TTC28: variants seen among roughly 807,000 people sequenced by gnomAD.
TTC28 encodes tetratricopeptide repeat domain 28.
A neutral mutation model predicts 198.0 loss-of-function variants in TTC28; 61 were observed. That is an observed-to-expected ratio of 0.31 (90% CI 0.25 to 0.38). The LOEUF (loss-of-function observed/expected upper bound fraction) is 0.38. TTC28 is among the 10% of genes least tolerant of loss of function. The probability of loss-of-function intolerance (pLI) is 1.00; values close to 1 mark genes in which losing one functional copy is unlikely to be tolerated. For missense variants in TTC28, 2,678 were observed against 3,164.0 expected (o/e 0.85, Z 3.69); for synonymous variants, 1,171 against 1,297.8 (o/e 0.90, Z 2.10).
At chr22:28,147,220 G>C (rs1943489724) in intron 6 of TTC28, among the ~76,000 whole-genome samples, 1 of 152,184 alleles carries the variant, frequency 6.6e-6, no homozygotes. Flanking sequence ...CTGGTTCTCA[G>C]TAAAAAAGCT....
intron 1 of TTC28, among the ~76,000 whole-genome samples, chr22:28,658,667 A>T (rs1271191261): frequency 6.6e-6 from 1 of 152,242 alleles, no homozygotes; most frequent in South Asian, 2.1e-4. Context: ...ACACATAAAA[A>T]TGATTAAGAT....
chr22:28,323,797 A>C (rs1255459906), intron 2 of TTC28, among the ~76,000 whole-genome samples: 3 of 152,222 alleles, frequency 2.0e-5, no homozygotes, highest in African/African-American at 7.2e-5. Context: ...TTTAACCCAA[A>C]TAGGACTACC....
chr22:28,604,465 C>T (rs1182588393), intron 2 of TTC28, among the ~76,000 whole-genome samples: 3 of 151,652 alleles, frequency 2.0e-5, no homozygotes, highest in African/African-American at 4.9e-5. Flanking sequence ...AAATGCTGGC[C>T]GGGCACAGTG....
intron 2 of TTC28, among the ~76,000 whole-genome samples, chr22:28,514,807 TCA>T (rs2048750405): frequency 6.6e-6 from 1 of 152,336 alleles, no homozygotes; most frequent in Non-Finnish European, 1.5e-5. Flanking sequence ...AAACACTGTT[TCA>T]CAGTCTCTGT....
At chr22:28,618,806 T>C (rs2050944493) in intron 2 of TTC28, among the ~76,000 whole-genome samples, 1 of 149,024 alleles carries the variant, frequency 6.7e-6, no homozygotes, top group African/African-American at 2.5e-5. Flanking sequence ...AGCAGCAAAA[T>C]AAACAGTGCT....
chr22:28,466,919 C>A (rs1044688529), intron 2 of TTC28, among the ~76,000 whole-genome samples: 1 of 151,756 alleles, frequency 6.6e-6, no homozygotes, highest in Admixed American at 6.6e-5. Context: ...GAGGAGGCAA[C>A]TGTCACTTTA....
At chr22:28,595,501 G>C (rs2050524560) in intron 2 of TTC28, among the ~76,000 whole-genome samples, 1 of 152,062 alleles carries the variant, frequency 6.6e-6, no homozygotes, top group Non-Finnish European at 1.5e-5. Context: ...TTATATTATA[G>C]TTATTGGATT....
At chr22:28,139,242 G>A (rs1191933868) in intron 6 of TTC28, among the ~76,000 whole-genome samples, 6 of 152,128 alleles carry the variant, frequency 3.9e-5, no homozygotes, top group African/African-American at 1.4e-4. Flanking sequence ...GTGAGGAGAG[G>A]CATGTAGGGA....
intron 2 of TTC28, among the ~76,000 whole-genome samples, chr22:28,618,403 CG>C (rs2050936198): frequency 2.0e-5 from 3 of 151,924 alleles, no homozygotes; most frequent in Non-Finnish European, 4.4e-5. Context: ...AAAACCAGGC[CG>C]GGTGCAGTGG....
chr22:28,458,677 TG>T (rs1166038912), intron 2 of TTC28, among the ~76,000 whole-genome samples: 1 of 151,880 alleles, frequency 6.6e-6, no homozygotes, highest in Non-Finnish European at 1.5e-5. Flanking sequence ...GTCAGGAGAT[TG>T]AGACCATCCT....
chr22:28,539,971 G>T (rs1197018728), intron 2 of TTC28, among the ~76,000 whole-genome samples: 4 of 137,354 alleles, frequency 2.9e-5, no homozygotes, highest in Non-Finnish European at 6.2e-5. Flanking sequence ...CTGAGACAGG[G>T]TCTCACTCTG....
At chr22:28,063,353 C>A (rs1601578417) in intron 12 of TTC28, among the ~76,000 whole-genome samples, 1 of 152,156 alleles carries the variant, frequency 6.6e-6, no homozygotes, top group Non-Finnish European at 1.5e-5. Flanking sequence ...ACTATTGGAG[C>A]TTTAAACGCC....
intron 6 of TTC28, among the ~76,000 whole-genome samples, chr22:28,115,945 C>T (rs373867931): frequency 3.9e-5 from 6 of 152,166 alleles, no homozygotes; most frequent in Admixed American, 1.3e-4. Flanking sequence ...CTCCATTGGA[C>T]GCTATCTACC....
intron 6 of TTC28, among the ~76,000 whole-genome samples, chr22:28,137,416 C>T (rs977450884): frequency 3.3e-5 from 5 of 152,248 alleles, no homozygotes; most frequent in African/African-American, 9.6e-5. Context: ...TTCTCAGAAG[C>T]GTACAGGTAG....
intron 2 of TTC28, among the ~76,000 whole-genome samples, chr22:28,533,690 T>C (rs1291344074): frequency 6.6e-6 from 1 of 152,286 alleles, no homozygotes; most frequent in East Asian, 1.9e-4. Context: ...CAAAACAGCA[T>C]GGTGCTGGTA....
chr22:28,044,045 G>A (rs572720605), intron 12 of TTC28, among the ~76,000 whole-genome samples: 7 of 152,292 alleles, frequency 4.6e-5, no homozygotes, highest in Non-Finnish European at 1.0e-4. Context: ...CCCACTGTAG[G>A]GGCTAGCAGT....
chr22:28,551,844 T>G (rs997077716), intron 2 of TTC28, among the ~76,000 whole-genome samples: 1 of 152,134 alleles, frequency 6.6e-6, no homozygotes, highest in Non-Finnish European at 1.5e-5. Flanking sequence ...CTTTCACCAC[T>G]TCTATTCAAC....
Position 28,656,800 on chromosome 22 carries a change from T to C in TTC28, c.102+22822A>G, listed in dbSNP as rs182452639. Among the ~76,000 whole-genome samples, 16 of 152,170 alleles carry C rather than the reference T, an allele frequency of 1.1e-4. No homozygotes were observed. The East Asian group carries it at 2.7e-3, about 26-fold the overall frequency. ...AGGGGGGAAGGATAGCATTAGGAGA[T>C]ATACCTAATGTAAATGACGAGTTAA... On this transcript the variant is annotated intron_variant, in intron 1 of 22. Transcript: ENST00000397906.
chr22:28,608,381 G>A (rs142140338), intron 2 of TTC28, among the ~76,000 whole-genome samples: 80 of 152,212 alleles, frequency 5.3e-4, no homozygotes, highest in South Asian at 3.5e-3. Context: ...GACTGTATTC[G>A]GCCTAACTCA....
Sources: gnomAD v4.1 joint callset for allele counts (sites outside exome capture counted in the v4.1 genomes callset) on GRCh38, gnomAD v4.1.1 for gene constraint, MANE v1.5 for transcripts, NCBI Gene and HGNC (gene_info 2026-07-23, HGNC 2026-07-21) for gene names.